The following PAX3 variants were observed in gnomAD, a reference collection of about 807,000 sequenced individuals.
The protein encoded by PAX3 is paired box protein Pax-3.
In PAX3, 14 loss-of-function variants were observed where a neutral mutation model predicts 51.6. The observed-to-expected ratio is 0.27, with a 90% confidence interval of 0.18 to 0.42. PAX3 has a LOEUF of 0.42. Among genes scored for constraint, PAX3 ranks in the 10% least tolerant of loss-of-function variants. PAX3 has a pLI of 1.00. For synonymous variants in PAX3, 280 were observed against 253.4 expected, an observed-to-expected ratio of 1.11 and a Z score of -1.00; for missense variants, 540 against 642.8, an observed-to-expected ratio of 0.84 and a Z score of 1.73.
chr2:222,280,430 G>GAAAGAAAGA (rs879830361), intron 4 of PAX3, among the ~76,000 whole-genome samples: 12 of 150,212 alleles, frequency 8.0e-5, no homozygotes, highest in African/African-American at 2.9e-4. Context: ...AGAAAGAAAG[G>GAAAGAAAGA]AAGGAAGGAA....
intron 4 of PAX3, among the ~76,000 whole-genome samples, chr2:222,289,228 A>G (rs1236044193): frequency 6.6e-6 from 1 of 152,218 alleles, no homozygotes; most frequent in Non-Finnish European, 1.5e-5. Flanking sequence ...GTTCCAGCCC[A>G]AGCCAAACTC....
rs200701839 is a variant in PAX3, at chr2:222,220,195, G to A, written c.1118C>T (p.Pro373Leu). The change falls in exon 7 of 9, where the codon CCG becomes CTG. Residue 373 changes from proline (P) to leucine (L), a missense_variant. By Grantham distance (98) the Pro-to-Leu change is moderately conservative. Transcript: ENST00000392070. ...GTTCATGGGGTTGGAGGGCCCCGAC[G>A]GAGGCACAAAGCTGTCTGTATAGCT... ...FSSYTDSFVP[P>L]SGPSNPMNPT... 2.6e-4 allele frequency: 413 copies of A among 1,613,916 alleles called. 1 individual carries two copies. Among genetic ancestry groups the A allele is most frequent in the Middle Eastern group, 8.2e-4 (5 of 6,062 alleles).
intron 4 of PAX3, among the ~76,000 whole-genome samples, chr2:222,243,239 G>A (rs1693087927): frequency 6.6e-6 from 1 of 152,204 alleles, no homozygotes; most frequent in Non-Finnish European, 1.5e-5. Context: ...GAAGACAAAT[G>A]AGTAGAGAAT....
intron 7 of PAX3, among the ~76,000 whole-genome samples, chr2:222,208,906 TC>T (rs1233426655): frequency 6.6e-6 from 1 of 152,132 alleles, no homozygotes. Context: ...AAACCGAACT[TC>T]CATGTAAGGA....
At chr2:222,201,890 T>C in intron 8 of PAX3, 54 bp downstream of exon 8, 1 of 1,612,824 alleles carries the variant, frequency 6.2e-7, no homozygotes, top group Non-Finnish European at 8.5e-7. Context: ...TAAGGAAGAG[T>C]TGAGTTTATC....
intron 4 of PAX3, among the ~76,000 whole-genome samples, chr2:222,251,573 T>G (rs1003599911): frequency 3.3e-5 from 5 of 152,198 alleles, no homozygotes; most frequent in Non-Finnish European, 7.4e-5. Flanking sequence ...TAAACATACA[T>G]GTGCATGTGT....
chr2:222,233,311 T>C (rs907370269), intron 4 of PAX3, among the ~76,000 whole-genome samples: 4 of 151,934 alleles, frequency 2.6e-5, no homozygotes, highest in African/African-American at 4.8e-5. Flanking sequence ...AATTTCAAAA[T>C]TGAGTGGGCA....
At chr2:222,259,374 A>G (rs4674639) in intron 4 of PAX3, among the ~76,000 whole-genome samples, 30,272 of 152,190 alleles carry the variant, frequency 0.2, 3,575 homozygotes, top group East Asian at 0.37. Flanking sequence ...CCTGTTTTAT[A>G]TCTAGATCAA....
At chr2:222,242,894 C>T (rs540630870) in intron 4 of PAX3, among the ~76,000 whole-genome samples, 4 of 152,290 alleles carry the variant, frequency 2.6e-5, no homozygotes, top group Non-Finnish European at 5.9e-5. Context: ...AAGTACTTTG[C>T]CTTCATCCTT....
chr2:222,245,194 A>T (rs533138159), intron 4 of PAX3, among the ~76,000 whole-genome samples: 1 of 152,204 alleles, frequency 6.6e-6, no homozygotes, highest in Non-Finnish European at 1.5e-5. Flanking sequence ...TAGCTATGAA[A>T]GTAAATAAAT....
chr2:222,243,680 G>A (rs6436304), intron 4 of PAX3, among the ~76,000 whole-genome samples: 72,730 of 151,978 alleles, frequency 0.48, 17,837 homozygotes, highest in East Asian at 0.8. Context: ...TGCTTTTAAC[G>A]ACACTTCCCA....
At position 222,201,402 on chromosome 2, in the gene PAX3, G is replaced by A. The variant is rs1253158310; in HGVS notation, c.*6C>T. 6 of 1,613,822 alleles carry A rather than the reference G, an allele frequency of 3.7e-6. No homozygotes were observed. In the South Asian group the frequency reaches 6.6e-5, roughly 18 times the overall value. The stretch of plus-strand genomic sequence containing the variant: ...GGCCAGTTTTAGCTCCAAGTGGACA[G>A]TTCACTTACGCGATATCTGGCTTGA... On this transcript the variant is annotated 3_prime_UTR_variant, in exon 9 of 9. Transcript: ENST00000392070.
rs1280650987 is a variant in PAX3 at position 222,216,671 on chromosome 2, A to T, written c.1173+3469T>A. Among the ~76,000 whole-genome samples the T allele has an allele frequency of 2.6e-5, 4 of 152,106 alleles. No homozygotes were observed. The South Asian group carries it at 8.3e-4, about 32-fold the overall frequency. On this transcript the variant is annotated intron_variant, in intron 7 of 8. Coordinates refer to ENST00000392070, the MANE Select transcript of PAX3 (RefSeq NM_181458.4). ...TCAAGGGAAAAGATACATTAGAGAC[A>T]CAAAACAAAAACCAACTATTGTACA... is the stretch of plus-strand genomic sequence containing the variant.
In PAX3 at chr2:222,201,141, G is replaced by A. The variant is rs1305362040; in HGVS notation, c.*267C>T. On this transcript the variant is annotated 3_prime_UTR_variant, in exon 9 of 9. Coordinates refer to ENST00000392070, the MANE Select transcript of PAX3 (RefSeq NM_181458.4). ...GGGATGTTTTGATATGTAACCATGTGAAACCATTGCCTTAAAATGTTGCAT... is the reference window on the plus strand; with the variant it reads ...GGGATGTTTTGATATGTAACCATGTAAAACCATTGCCTTAAAATGTTGCAT... 1.2e-6 allele frequency: 2 copies of A among 1,611,038 alleles called. No individual in the cohort carries two copies. Among genetic ancestry groups the A allele is most frequent in the East Asian group, 4.5e-5 (2 of 44,776 alleles).
At chr2:222,256,746 A>G (rs537740074) in intron 4 of PAX3, among the ~76,000 whole-genome samples, 4 of 152,364 alleles carry the variant, frequency 2.6e-5, no homozygotes, top group African/African-American at 7.2e-5. Context: ...TGCTTCAATG[A>G]CACAATTTGT....
intron 1 of PAX3, 193 bp downstream of exon 1, chr2:222,298,336 CAG>C: frequency 1.7e-6 from 1 of 599,926 alleles, no homozygotes; most frequent in South Asian, 2.0e-5. Flanking sequence ...CCAGGATTTG[CAG>C]AGAGCAGCGC....
At chr2:222,231,951 TGCATCCC>T in intron 5 of PAX3, 120 bp downstream of exon 5, 1 of 809,530 alleles carries the variant, frequency 1.2e-6, no homozygotes, top group South Asian at 1.4e-5. Flanking sequence ...CCTAACAATA[TGCATCCC>T]TAGTAAAGGG....
At chr2:222,204,683 T>G (rs367905069) in intron 7 of PAX3, among the ~76,000 whole-genome samples, 37 of 152,290 alleles carry the variant, frequency 2.4e-4, no homozygotes, top group African/African-American at 8.9e-4. Context: ...GAATAAGTTG[T>G]GTTAAGCAAA....
chr2:222,241,906 A>G (rs1693029749), intron 4 of PAX3, among the ~76,000 whole-genome samples: 1 of 152,202 alleles, frequency 6.6e-6, no homozygotes, highest in South Asian at 2.1e-4. Context: ...CCCTGTAGTA[A>G]TGATATACCC....
Sources: allele counts gnomAD v4.1 joint callset (sites outside exome capture counted in the v4.1 genomes callset), GRCh38; gene constraint gnomAD v4.1.1; transcripts MANE v1.5; gene names NCBI Gene and HGNC (gene_info 2026-07-23, HGNC 2026-07-21).